Variants in DAB1 observed in about 807,000 individuals in gnomAD.
DAB1 encodes DAB adaptor protein 1, also known as disabled homolog 1.
A neutral mutation model predicts 64.6 loss-of-function variants in DAB1; 15 were observed. The observed-to-expected ratio is 0.23, with a 90% confidence interval of 0.16 to 0.36. The LOEUF is 0.36. Among genes scored for constraint, DAB1 ranks in the 10% least tolerant of loss-of-function variants. The probability of loss-of-function intolerance (pLI) is 1.00; values close to 1 mark genes in which losing one functional copy is unlikely to be tolerated. For synonymous variants in DAB1, 235 were observed against 251.9 expected, an observed-to-expected ratio of 0.93 and a Z score of 0.64; for missense variants, 596 against 706.7, an observed-to-expected ratio of 0.84 and a Z score of 1.78.
At chr1:57,812,319 C>CAAAAAAAA (rs67005172) in intron 6 of DAB1, among the ~76,000 whole-genome samples, 18 of 101,072 alleles carry the variant, frequency 1.8e-4, no homozygotes, top group Admixed American at 3.3e-4. Context: ...GATTCATTGC[C>CAAAAAAAA]AAAAAAAAAA....
chr1:57,288,579 G>A lies in DAB1; in HGVS notation c.67+2385C>T, dbSNP rs142805097. ...GAGCCAGGAAGAGAGCCCTCACCAGGAACCAAATTGGCTGGCACTTTGATC... is the reference window on the plus strand; with the variant it reads ...GAGCCAGGAAGAGAGCCCTCACCAGAAACCAAATTGGCTGGCACTTTGATC... On this transcript the variant is annotated intron_variant, in intron 2 of 14. Coordinates refer to ENST00000371236, the MANE Select transcript of DAB1 (RefSeq NM_001365792.1). 1.1e-4 allele frequency among the ~76,000 whole-genome samples: 16 copies of A among 152,262 alleles called. No homozygotes were observed. The East Asian group carries it at 3.1e-3, about 29-fold the overall frequency.
At chr1:58,342,878 T>A (rs748157378) in intron 4 of DAB1, among the ~76,000 whole-genome samples, 53 of 152,120 alleles carry the variant, frequency 3.5e-4, no homozygotes, top group Admixed American at 7.9e-4. Context: ...TCTTTTGGAG[T>A]CTAACATTGG....
intron 3 of DAB1, among the ~76,000 whole-genome samples, chr1:58,346,891 T>C (rs1408904713): frequency 2.6e-5 from 4 of 152,204 alleles, no homozygotes; most frequent in African/African-American, 9.6e-5. Flanking sequence ...GTGAAAGGAC[T>C]AAACTTAGAG....
intron 1 of DAB1, among the ~76,000 whole-genome samples, chr1:57,406,244 A>G (rs1423921269): frequency 6.6e-6 from 1 of 152,228 alleles, no homozygotes; most frequent in African/African-American, 2.4e-5. Flanking sequence ...AATGCATGAA[A>G]GACTCACCAG....
Position 58,104,525 on chromosome 1 carries a change from A to AT in DAB1, n.387+45985dup, listed in dbSNP as rs920074565. Among the ~76,000 whole-genome samples the AT allele has an allele frequency of 2.6e-4, 40 of 152,216 alleles. No individual in the cohort carries two copies. In the East Asian group the frequency reaches 5.0e-3, roughly 19 times the overall value. The stretch of plus-strand genomic sequence containing the variant: ...TAGGAATATACATGTGTTTTCCCCA[A>AT]TTTTTTTAAATTTTCCAGTGTGCTT... On this transcript the variant is annotated intron_variant and non_coding_transcript_variant, in intron 5 of 20. Coordinates refer to the DAB1 transcript ENST00000485760.
intron 5 of DAB1, among the ~76,000 whole-genome samples, chr1:58,055,783 CA>C (rs1570286812): frequency 1.5e-5 from 1 of 66,964 alleles, no homozygotes; most frequent in African/African-American, 9.4e-5. Flanking sequence ...CGGCTCACTG[CA>C]ACCTCTGTCA....
chr1:58,428,656 A>G (rs1018986056), intron 3 of DAB1, among the ~76,000 whole-genome samples: 1 of 152,222 alleles, frequency 6.6e-6, no homozygotes, highest in Non-Finnish European at 1.5e-5. Context: ...TTTAAAAAAT[A>G]TATTAAAATA....
chr1:57,348,408 T>TA (rs1678294897), intron 1 of DAB1, among the ~76,000 whole-genome samples: 1 of 152,120 alleles, frequency 6.6e-6, no homozygotes, highest in South Asian at 2.1e-4. Flanking sequence ...CCTTGAGCTA[T>TA]AAAAAATAAA....
At chr1:58,441,739 C>A (rs1569793649) in intron 3 of DAB1, among the ~76,000 whole-genome samples, 1 of 152,300 alleles carries the variant, frequency 6.6e-6, no homozygotes, top group Non-Finnish European at 1.5e-5. Context: ...TCTGGCTTGA[C>A]CGTCTCCACC....
chr1:57,967,407 T>C (rs1645693670), intron 5 of DAB1, among the ~76,000 whole-genome samples: 2 of 152,218 alleles, frequency 1.3e-5, no homozygotes, highest in Non-Finnish European at 1.5e-5. Context: ...AAGGCTGTGA[T>C]GAACATCATC....
chr1:58,004,203 A>G (rs1387200382), intron 5 of DAB1, among the ~76,000 whole-genome samples: 1 of 152,162 alleles, frequency 6.6e-6, no homozygotes, highest in African/African-American at 2.4e-5. Flanking sequence ...CTTCACAGCC[A>G]CCCCAGAAGG....
At chr1:58,159,940 T>G (rs1006684274) in intron 4 of DAB1, among the ~76,000 whole-genome samples, 5 of 152,166 alleles carry the variant, frequency 3.3e-5, no homozygotes, top group Admixed American at 3.3e-4. Context: ...GAGAATTCCC[T>G]TCTATCTACT....
chr1:57,944,774 T>A (rs1645159959), intron 5 of DAB1, among the ~76,000 whole-genome samples: 1 of 152,182 alleles, frequency 6.6e-6, no homozygotes, highest in South Asian at 2.1e-4. Flanking sequence ...ATCTCATCTA[T>A]TTCTCTGTAC....
At position 57,063,656 on chromosome 1, in the gene DAB1, A is replaced by G. The variant is rs1350815284; in HGVS notation, c.664-713T>C. 2.0e-5 allele frequency among the ~76,000 whole-genome samples: 3 copies of G among 152,166 alleles called. No individual in the cohort carries two copies. In the East Asian group the frequency reaches 5.8e-4, roughly 29 times the overall value. On this transcript the variant is annotated intron_variant, in intron 8 of 14. Coordinates refer to ENST00000371236, the MANE Select transcript of DAB1 (RefSeq NM_001365792.1). ...TTCACTACTATCAGCTCTGCCTCTT[A>G]CTCAGGTTATTCTGAGGATGGAGTA...
chr1:57,585,436 T>C (rs1167796483), intron 7 of DAB1, among the ~76,000 whole-genome samples: 1 of 152,126 alleles, frequency 6.6e-6, no homozygotes, highest in Non-Finnish European at 1.5e-5. Flanking sequence ...TGCATGTAGA[T>C]TTTTATCTTC....
At chr1:58,228,986 G>A (rs764287882) in intron 4 of DAB1, 12 of 437,478 alleles carry the variant, frequency 2.7e-5, no homozygotes, top group African/African-American at 6.1e-5. Context: ...CCACCAGCCC[G>A]AAGCCCCTGT....
intron 6 of DAB1, among the ~76,000 whole-genome samples, chr1:57,820,297 C>T (rs1372780862): frequency 6.6e-6 from 1 of 152,176 alleles, no homozygotes; most frequent in African/African-American, 2.4e-5. Context: ...AATATTTCCT[C>T]TGAGCCAATG....
At chr1:57,636,106 A>AAAAC (rs1646051539) in intron 7 of DAB1, among the ~76,000 whole-genome samples, 1 of 149,828 alleles carries the variant, frequency 6.7e-6, no homozygotes, top group African/African-American at 2.5e-5. Flanking sequence ...CAAAAAAAAA[A>AAAAC]AAAAAAACAA....
At chr1:58,321,940 G>A (rs1662694149) in intron 4 of DAB1, among the ~76,000 whole-genome samples, 1 of 152,246 alleles carries the variant, frequency 6.6e-6, no homozygotes, top group Non-Finnish European at 1.5e-5. Flanking sequence ...TGAGCTCTGA[G>A]AATGGACAGA....
Sources: allele counts gnomAD v4.1 joint callset (sites outside exome capture counted in the v4.1 genomes callset), GRCh38; gene constraint gnomAD v4.1.1; transcripts MANE v1.5; gene names NCBI Gene and HGNC (gene_info 2026-07-23, HGNC 2026-07-21).